The following STPG1 variants were observed in gnomAD, a reference collection of about 807,000 sequenced individuals.
STPG1 encodes the protein O(6)-methylguanine-induced apoptosis 2.
Under a neutral mutation model 40.1 loss-of-function variants are expected in STPG1, and 33 were observed. The observed-to-expected ratio is 0.82, with a 90% CI of 0.62 to 1.10. The LOEUF (loss-of-function observed/expected upper bound fraction) is 1.10. STPG1 is among the 50% of genes least tolerant of loss of function. The pLI is 0.00. For missense variants in STPG1, 396 were observed against 415.1 expected, an observed-to-expected ratio of 0.95 and a Z score of 0.40; for synonymous variants, 150 against 155.0, an observed-to-expected ratio of 0.97 and a Z score of 0.24.
At position 24,361,044 on chromosome 1, in the gene STPG1, T is replaced by G. The variant is rs1301624698; in HGVS notation, c.738-3A>C. Reference sequence around the variant, plus strand: ...AGAAGTTCAGGATGGGGTTTTTCCTTTGGGAAAGATAAAACGGGAAGATGT... The same window carrying G: ...AGAAGTTCAGGATGGGGTTTTTCCTGTGGGAAAGATAAAACGGGAAGATGT... On this transcript the variant is annotated splice_polypyrimidine_tract_variant and splice_region_variant and intron_variant, in intron 7 of 8. Transcript: ENST00000337248. The G allele has an allele frequency of 6.2e-7, 1 of 1,600,472 alleles. No individual in the cohort carries two copies. The highest frequency in any genetic ancestry group is 1.7e-5 in the Admixed American group (1 of 57,722).
At chr1:24,405,213 C>T (rs1173701734) in intron 1 of STPG1, among the ~76,000 whole-genome samples, 1 of 152,208 alleles carries the variant, frequency 6.6e-6, no homozygotes, top group Admixed American at 6.5e-5. Context: ...CCACCTTGGC[C>T]TCCCAAATTG....
chr1:24,362,519 C>A (rs1641188950), intron 7 of STPG1, among the ~76,000 whole-genome samples: 1 of 152,186 alleles, frequency 6.6e-6, no homozygotes, highest in South Asian at 2.1e-4. Flanking sequence ...AACAATGACA[C>A]TAACTTTATA....
intron 5 of STPG1, among the ~76,000 whole-genome samples, chr1:24,376,223 A>G (rs1327245885): frequency 6.6e-6 from 1 of 152,116 alleles, no homozygotes; most frequent in Admixed American, 6.5e-5. Flanking sequence ...GTTTCACTAT[A>G]TTGGCCAGGC....
intron 7 of STPG1, chr1:24,369,415 G>A (rs1333374445): frequency 4.9e-6 from 3 of 609,488 alleles, no homozygotes; most frequent in South Asian, 4.6e-5. Context: ...CCTCTATGGG[G>A]TAAGAGTAAC....
intron 7 of STPG1, among the ~76,000 whole-genome samples, chr1:24,361,785 C>T (rs370450196): frequency 8.5e-5 from 13 of 152,082 alleles, no homozygotes; most frequent in Admixed American, 7.2e-4. Flanking sequence ...AATGAAAGAC[C>T]GGACCTGTAC....
Position 24,413,758 on chromosome 1 carries a change from C to T in STPG1, c.-153G>A, listed in dbSNP as rs931756618. The T allele has an allele frequency of 1.3e-5, 2 of 152,310 alleles. No individual in the cohort carries two copies. The highest frequency in any genetic ancestry group is 4.8e-5 in the African/African-American group (2 of 41,468). The allele number at this position is 152,310 out of a possible 1,614,324, so 9.4% of individuals were successfully genotyped here. ...ACAGGCCTAACATTCGCGAGTCCACCTTCCGCCGTCCGCGAGGTAACTCCA... is the reference window on the plus strand; with the variant it reads ...ACAGGCCTAACATTCGCGAGTCCACTTTCCGCCGTCCGCGAGGTAACTCCA... On this transcript the variant is annotated 5_prime_UTR_variant, in exon 1 of 9. Transcript: ENST00000337248.
rs2148671370 is a variant in STPG1 at position 24,357,222 on chromosome 1, T to A, written c.*1321A>T. 1 of 152,346 alleles carries A rather than the reference T, an allele frequency of 6.6e-6. No homozygotes were observed. The highest frequency in any genetic ancestry group is 1.9e-4 in the East Asian group (1 of 5,186). 9.4% of individuals were successfully genotyped at this position (152,346 alleles called of 1,614,324 possible). On this transcript the variant is annotated 3_prime_UTR_variant, in exon 9 of 9. Coordinates refer to ENST00000337248, the MANE Select transcript of STPG1 (RefSeq NM_001199013.2). ...TGCCCAGGCGAGGCCTCACTGTGGC[T>A]GTGACGCACCCTTGATGTCAGAACG...
In STPG1 at chr1:24,391,587, G is replaced by T; in HGVS notation, c.163C>A (p.Gln55Lys). 6.5e-7 allele frequency: 1 copy of T among 1,543,358 alleles called. No individual in the cohort carries two copies. Among genetic ancestry groups the T allele is most frequent in the Non-Finnish European group, 8.8e-7 (1 of 1,140,510 alleles). ...TTCTTATGAGGAAATCTCTTGGCTTGACTATTGAATCCTTTTTTTTCTGAT... is the reference window on the plus strand; with the variant it reads ...TTCTTATGAGGAAATCTCTTGGCTTTACTATTGAATCCTTTTTTTTCTGAT... Reference protein sequence around the residue: ...PESEKKGFNSQAKRFPHKKND... With the variant: ...PESEKKGFNSKAKRFPHKKND... Residue 55 changes from glutamine (Q) to lysine (K), a missense_variant, in exon 3 of 9, where the codon CAA becomes AAA. Gln to Lys is a moderately conservative substitution (Grantham distance 53). Coordinates refer to ENST00000337248, the MANE Select transcript of STPG1 (RefSeq NM_001199013.2).
intron 3 of STPG1, 63 bp downstream of exon 3, chr1:24,391,498 T>A (rs1450877094): frequency 9.6e-7 from 1 of 1,045,636 alleles, no homozygotes; most frequent in African/African-American, 1.6e-5. Context: ...AGACAGAACG[T>A]GCCTGTCCCG....
chr1:24,368,348 C>T (rs921978761), intron 7 of STPG1, among the ~76,000 whole-genome samples: 56 of 152,320 alleles, frequency 3.7e-4, no homozygotes, highest in African/African-American at 1.3e-3. Context: ...GGACTTCTGA[C>T]CCACTGTGGC....
intron 1 of STPG1, among the ~76,000 whole-genome samples, chr1:24,402,745 CAA>C (rs4024512): frequency 0.21 from 22,703 of 107,886 alleles, 2,150 homozygotes; most frequent in African/African-American, 0.36. Flanking sequence ...CAGCCTATCT[CAA>C]AAAAAAAAAA....
chr1:24,409,722 A>T (rs1255890573), intron 1 of STPG1, among the ~76,000 whole-genome samples: 1 of 152,192 alleles, frequency 6.6e-6, no homozygotes, highest in African/African-American at 2.4e-5. Context: ...TGTCCAGCAC[A>T]TTCAAGCTGT....
chr1:24,373,579 C>T (rs997963465), intron 6 of STPG1, 123 bp downstream of exon 6: 4 of 693,764 alleles, frequency 5.8e-6, no homozygotes, highest in Non-Finnish European at 1.1e-5. Context: ...TACCTGCCTG[C>T]TACTCCTCCC....
intron 2 of STPG1, 25 bp from the exon 3 acceptor site, chr1:24,391,704 T>C: frequency 6.9e-7 from 1 of 1,448,034 alleles, no homozygotes. Flanking sequence ...TGGAGTAAAA[T>C]CAAAATGAAT....
In STPG1 at chr1:24,363,866, T is replaced by C. The variant is rs1277340534; in HGVS notation, c.738-2825A>G. On this transcript the variant is annotated intron_variant, in intron 7 of 8. Transcript: ENST00000337248. ...AAAGCTGTAGCTGTTATGGCAGGAA[T>C]TGGGACACAAGGAGACAGACGCTGA... Among the ~76,000 whole-genome samples the C allele has an allele frequency of 6.6e-5, 10 of 152,122 alleles. No homozygotes were observed. The East Asian group carries it at 1.9e-3, about 29-fold the overall frequency.
chr1:24,398,582 T>C (rs746043147), intron 2 of STPG1, among the ~76,000 whole-genome samples: 8 of 152,070 alleles, frequency 5.3e-5, no homozygotes, highest in Non-Finnish European at 1.0e-4. Context: ...GATTACAAGA[T>C]TGTGTATGGG....
chr1:24,405,524 T>G (rs1425917587), intron 1 of STPG1, among the ~76,000 whole-genome samples: 3 of 152,214 alleles, frequency 2.0e-5, no homozygotes, highest in Non-Finnish European at 4.4e-5. Context: ...TTTTTATAAA[T>G]GTCAATTAGG....
Position 24,369,763 on chromosome 1 carries a change from G to C in STPG1, c.648C>G (p.Asn216Lys). The change falls in exon 7 of 9, where the codon AAC becomes AAG. Residue 216 changes from asparagine to lysine, a missense_variant. By Grantham distance (94) the Asn-to-Lys change is moderately conservative. Transcript: ENST00000337248. ...CTGTTGACGTCAGTTTTAATCCACG[G>C]TTGGTTTTTGATTTAAAACAAGACA... is the stretch of plus-strand genomic sequence containing the variant. ...TLMSCFKSKT[N>K]RGLKLTSTGP... 6.2e-7 allele frequency: 1 copy of C among 1,613,168 alleles called. No homozygotes were observed. The highest frequency in any genetic ancestry group is 8.5e-7 in the Non-Finnish European group (1 of 1,179,310).
At chr1:24,387,577 C>T (rs986972347) in intron 3 of STPG1, among the ~76,000 whole-genome samples, 19 of 152,188 alleles carry the variant, frequency 1.2e-4, no homozygotes, top group African/African-American at 4.6e-4. Context: ...GCCTCCACTG[C>T]ACCAGCTACT....
Sources: allele counts gnomAD v4.1 joint callset (sites outside exome capture counted in the v4.1 genomes callset), GRCh38; gene constraint gnomAD v4.1.1; transcripts MANE v1.5; gene names NCBI Gene and HGNC (gene_info 2026-07-23, HGNC 2026-07-21).